ATP13A4: variants seen among roughly 807,000 people sequenced by gnomAD.
ATP13A4 encodes probable cation-transporting ATPase 13A4.
ATP13A4 carries 114 observed loss-of-function variants against 142.5 expected under a neutral mutation model. The observed-to-expected ratio is 0.80, with a 90% confidence interval of 0.69 to 0.93. ATP13A4 has a LOEUF of 0.93. Among genes scored for constraint, ATP13A4 ranks in the 40% least tolerant of loss-of-function variants. The probability of loss-of-function intolerance (pLI) is 0.00; values close to 1 mark genes in which losing one functional copy is unlikely to be tolerated. For synonymous variants in ATP13A4, 488 were observed against 514.8 expected, an observed-to-expected ratio of 0.95 and a Z score of 0.70; for missense variants, 1,392 against 1,454.0, an observed-to-expected ratio of 0.96 and a Z score of 0.69.
intron 13 of ATP13A4, among the ~76,000 whole-genome samples, chr3:193,460,495 C>T (rs1246406590): frequency 1.3e-5 from 2 of 152,176 alleles, no homozygotes; most frequent in South Asian, 2.1e-4. Flanking sequence ...TCAAAAATGT[C>T]CTGGCTTCAT....
chr3:193,554,477 CT>C, intron 1 of ATP13A4: 1 of 541,256 alleles, frequency 1.8e-6, no homozygotes, highest in Non-Finnish European at 3.3e-6. Flanking sequence ...TTCTCTCCCT[CT>C]CTGTTTTCTT....
In ATP13A4 at chr3:193,491,561, AGGTG is replaced by A. The variant is rs1461639657; in HGVS notation, c.534-167_534-164del. ...TTCTGATCCTTCTCAAAATAATGGG[AGGTG>A]AGGGTTCCCAGTTGCAAAAACGATA... On this transcript the variant is annotated intron_variant, in intron 5 of 29. Coordinates refer to ENST00000342695, the MANE Select transcript of ATP13A4 (RefSeq NM_032279.4). 2.0e-3 allele frequency among the ~76,000 whole-genome samples: 309 copies of A among 152,260 alleles called. 2 individuals are homozygous for A. Among genetic ancestry groups the A allele is most frequent in the African/African-American group, 7.2e-3 (298 of 41,554 alleles).
chr3:193,439,151 C>T, intron 21 of ATP13A4, 86 bp from the exon 22 acceptor site: 2 of 1,365,992 alleles, frequency 1.5e-6, no homozygotes, highest in Non-Finnish European at 2.1e-6. Flanking sequence ...ACCATCATTA[C>T]TTAGGGTTCA....
At chr3:193,521,962 A>C (rs1721742489) in intron 1 of ATP13A4, among the ~76,000 whole-genome samples, 1 of 151,934 alleles carries the variant, frequency 6.6e-6, no homozygotes, top group Admixed American at 6.6e-5. Context: ...ATAGAAAAAT[A>C]GAAAAAAAAA....
In ATP13A4 at chr3:193,435,717, G is replaced by T. The variant is rs141299853; in HGVS notation, c.2700C>A (p.Ser900=). 6.2e-7 allele frequency: 1 copy of T among 1,613,994 alleles called. No individual in the cohort carries two copies. The highest frequency in any genetic ancestry group is 1.1e-5 in the South Asian group (1 of 91,076). Residue 900 remains serine, a synonymous_variant, in exon 24 of 30, where the codon TCC becomes TCA. Transcript: ENST00000342695. ...IKEGRAALVT[S]FCMFKYMALY... is the part of the protein sequence containing the mutation. ...GAGCCATGTACTTAAACATGCAAAA[G>T]GAGGTAACGAGAGCTGCACGTCCTT...
intron 2 of ATP13A4, among the ~76,000 whole-genome samples, chr3:193,569,205 C>T (rs1408774867): frequency 6.6e-6 from 1 of 152,242 alleles, no homozygotes; most frequent in Non-Finnish European, 1.5e-5. Flanking sequence ...CCTCTGTGCA[C>T]TTCTTCCCAA....
intron 9 of ATP13A4, among the ~76,000 whole-genome samples, chr3:193,468,190 A>T (rs1420610250): frequency 1.3e-5 from 2 of 152,070 alleles, no homozygotes; most frequent in African/African-American, 4.8e-5. Flanking sequence ...AAAAATAAAT[A>T]AATAAATAAT....
In ATP13A4 at chr3:193,478,041, C is replaced by T. The variant is rs544714032; in HGVS notation, c.808+5895G>A. On this transcript the variant is annotated intron_variant, in intron 8 of 29. Coordinates refer to ENST00000342695, the MANE Select transcript of ATP13A4 (RefSeq NM_032279.4). The stretch of plus-strand genomic sequence containing the variant: ...CAAAGAAATAAAAAACCTAAACAAA[C>T]GAAGCAGTGTTATATTCATAGAGAG... Among the ~76,000 whole-genome samples, 76 of 152,018 alleles carry T rather than the reference C, an allele frequency of 5.0e-4. 1 individual carries two copies. The highest frequency in any genetic ancestry group is 1.2e-3 in the African/African-American group (51 of 41,400).
intron 1 of ATP13A4, among the ~76,000 whole-genome samples, chr3:193,545,973 TTGTGTGTGTGTGTGTGTG>T (rs3053200): frequency 0.39 from 55,468 of 143,380 alleles, 10,713 homozygotes; most frequent in South Asian, 0.56. Flanking sequence ...AATGTTTAAA[TTGTGTGTGTGTGTGTGTG>T]TGTGTGTGTG....
chr3:193,490,401 T>C (rs1444547044), intron 6 of ATP13A4, among the ~76,000 whole-genome samples: 2 of 152,220 alleles, frequency 1.3e-5, no homozygotes, highest in Admixed American at 6.5e-5. Context: ...TTCTCTATGA[T>C]ATAACACCTG....
chr3:193,577,258 T>C (rs1724416340), intron 2 of ATP13A4, among the ~76,000 whole-genome samples: 1 of 152,240 alleles, frequency 6.6e-6, no homozygotes, highest in African/African-American at 2.4e-5. Flanking sequence ...AAGCACTCTG[T>C]GATCTGTTCT....
At chr3:193,443,846 T>TA (rs1367518393) in intron 18 of ATP13A4, among the ~76,000 whole-genome samples, 1 of 151,972 alleles carries the variant, frequency 6.6e-6, no homozygotes, top group Non-Finnish European at 1.5e-5. Context: ...ACCTGAAATT[T>TA]AAAAAAATCA....
intron 1 of ATP13A4, among the ~76,000 whole-genome samples, chr3:193,539,416 A>G (rs952514841): frequency 1.3e-5 from 2 of 152,186 alleles, no homozygotes; most frequent in Non-Finnish European, 2.9e-5. Context: ...ACTTCTCATA[A>G]AGATGCTTAT....
chr3:193,520,984 T>G (rs940828197), intron 1 of ATP13A4, among the ~76,000 whole-genome samples: 1 of 152,210 alleles, frequency 6.6e-6, no homozygotes, highest in Non-Finnish European at 1.5e-5. Flanking sequence ...TTCTTTCTCA[T>G]GATTGCTATG....
chr3:193,572,842 T>C (rs1185919586), intron 2 of ATP13A4, among the ~76,000 whole-genome samples: 1 of 151,742 alleles, frequency 6.6e-6, no homozygotes, highest in Non-Finnish European at 1.5e-5. Flanking sequence ...CAAATGTGTA[T>C]AGGCCAGGTG....
At chr3:193,413,091 T>C (rs757827901) in intron 26 of ATP13A4, among the ~76,000 whole-genome samples, 35 of 152,320 alleles carry the variant, frequency 2.3e-4, no homozygotes, top group Non-Finnish European at 4.7e-4. Context: ...GCTGGAGCTC[T>C]GGCAGAGGAA....
chr3:193,466,262 GT>G, intron 10 of ATP13A4, 80 bp from the exon 11 acceptor site: 1 of 1,528,490 alleles, frequency 6.5e-7, no homozygotes. Flanking sequence ...CACTGCCTTT[GT>G]TTTTCTCTGC....
chr3:193,495,039 A>G (rs566962811), intron 3 of ATP13A4, among the ~76,000 whole-genome samples: 3 of 152,140 alleles, frequency 2.0e-5, no homozygotes, highest in Non-Finnish European at 2.9e-5. Context: ...GTAAGCTACC[A>G]AGATTGAATC....
At chr3:193,568,593 G>A (rs1724191890) in intron 2 of ATP13A4, among the ~76,000 whole-genome samples, 1 of 152,136 alleles carries the variant, frequency 6.6e-6, no homozygotes, top group South Asian at 2.1e-4. Context: ...GTTCATAAAT[G>A]ATAACATGAG....
Sources: gnomAD v4.1 joint callset for allele counts (sites outside exome capture counted in the v4.1 genomes callset) on GRCh38, gnomAD v4.1.1 for gene constraint, MANE v1.5 for transcripts, NCBI Gene and HGNC (gene_info 2026-07-23, HGNC 2026-07-21) for gene names.